Variants in GPAT2 observed in about 807,000 individuals in gnomAD.
GPAT2 encodes 1-acylglycerol-3-phosphate O-acyltransferase GPAT2.
In GPAT2, 51 loss-of-function variants were observed where a neutral mutation model predicts 71.0. That is an observed-to-expected ratio of 0.72 (90% CI 0.57 to 0.91). The LOEUF (loss-of-function observed/expected upper bound fraction) is 0.91. Among genes scored for constraint, GPAT2 ranks in the 40% least tolerant of loss-of-function variants. GPAT2 has a pLI of 0.00. For missense variants in GPAT2, 511 were observed against 666.0 expected (o/e 0.77, Z 2.56); for synonymous variants, 222 against 290.3 (o/e 0.76, Z 2.39).
At position 96,024,547 on chromosome 2, in the gene GPAT2, C is replaced by A; in HGVS notation, c.1567G>T (p.Ala523Ser). The A allele has an allele frequency of 6.2e-7, 1 of 1,613,864 alleles. No homozygotes were observed. Among genetic ancestry groups the A allele is most frequent in the Non-Finnish European group, 8.5e-7 (1 of 1,179,942 alleles). ...TCACCCTGACGGATGCGCAGCAGGG[C>A]CACGTGCGCCCGCAGCAGGCTCAGT... ...HSLSLLRAHVALLRIRQGDLL... is the reference protein window; with the variant it reads ...HSLSLLRAHVSLLRIRQGDLL... The change falls in exon 15 of 22, where the codon GCC (alanine) becomes TCC (serine). Residue 523 changes from alanine (A) to serine (S), a missense_variant. Around this residue, in one of 7 missense-constraint regions of GPAT2, gnomAD observed 295 missense variants for 305.5 expected, o/e 0.97. Coordinates refer to ENST00000434632, the MANE Select transcript of GPAT2 (RefSeq NM_001321527.2).
chr2:96,024,528 T>C lies in GPAT2; in HGVS notation c.1586A>G (p.Gln529Arg), dbSNP rs1680142441. The part of the protein sequence containing the change: ...RAHVALLRIR[Q>R]GDLLVVPQPG... ...CTGCGGCACCACCAGCAAGTCACCC[T>C]GACGGATGCGCAGCAGGGCCACGTG... The change falls in exon 15 of 22, where the codon CAG becomes CGG. Residue 529 changes from glutamine to arginine, a missense_variant. By Grantham distance (43) the Gln-to-Arg change is conservative. Coordinates refer to ENST00000434632, the MANE Select transcript of GPAT2 (RefSeq NM_001321527.2). 9 of 1,613,926 alleles carry C rather than the reference T, an allele frequency of 5.6e-6. No individual in the cohort carries two copies. The East Asian group carries it at 1.6e-4, about 28-fold the overall frequency.
At chr2:96,025,409 C>G (rs1354355758) in intron 13 of GPAT2, 76 bp downstream of exon 13, 4 of 1,513,454 alleles carry the variant, frequency 2.6e-6, no homozygotes, top group Non-Finnish European at 3.5e-6. Flanking sequence ...AATGGAGAAC[C>G]CTGGTGACTG....
In GPAT2 at chr2:96,025,914, G is replaced by A. The variant is rs147368142; in HGVS notation, c.1238+16C>T. 69 of 1,610,616 alleles carry A rather than the reference G, an allele frequency of 4.3e-5. No homozygotes were observed. Among genetic ancestry groups the A allele is most frequent in the South Asian group, 9.9e-5 (9 of 90,974 alleles). ...CTTGCCTTGCCCCCTGAGACCCCAC[G>A]CTCCTGTGCCCCTACCATTGGCCCA... On this transcript the variant is annotated intron_variant, in intron 12 of 21. Transcript: ENST00000434632.
At chr2:96,034,156 G>GTTGA (rs1216218607) in intron 1 of GPAT2, among the ~76,000 whole-genome samples, 2 of 108,458 alleles carry the variant, frequency 1.8e-5, no homozygotes, top group Admixed American at 1.0e-4. Flanking sequence ...TAAAACCAAC[G>GTTGA]TTGAACAGCA....
Position 96,024,622 on chromosome 2 carries a change from C to A in GPAT2, c.1492G>T (p.Gly498Cys). ...SWLTEEILLR[G>C]FDVGFSGQLR... ...TGCCCAGAGAAGCCTACATCAAAGC[C>A]ACGCAACAGTATCTCCTCCGTCAGC... The change falls in exon 15 of 22, where the codon GGC (glycine) becomes TGC (cysteine). Residue 498 changes from glycine (G) to cysteine (C), a missense_variant. Gly to Cys is a radical substitution (Grantham distance 159). Coordinates refer to ENST00000434632, the MANE Select transcript of GPAT2 (RefSeq NM_001321527.2). 15 of 1,613,930 alleles carry A rather than the reference C, an allele frequency of 9.3e-6. No individual in the cohort carries two copies. Among genetic ancestry groups the A allele is most frequent in the Non-Finnish European group, 1.3e-5 (15 of 1,179,932 alleles).
intron 13 of GPAT2, chr2:96,025,132 G>A (rs1489338624): frequency 1.0e-5 from 6 of 583,600 alleles, no homozygotes; most frequent in South Asian, 2.0e-5. Flanking sequence ...CTGTGGAGGC[G>A]CTGTGCTAAG....
chr2:96,024,911 T>C, intron 13 of GPAT2, 68 bp from the exon 14 acceptor site: 1 of 1,560,408 alleles, frequency 6.4e-7, no homozygotes, highest in Non-Finnish European at 8.8e-7. Flanking sequence ...CTCCATGATC[T>C]AGCAAGTCTT....
In GPAT2 at chr2:96,025,363, A is replaced by C. The variant is rs528706057; in HGVS notation, c.1357+122T>G. 5.5e-4 allele frequency: 720 copies of C among 1,303,530 alleles called. 2 individuals carry two copies. The highest frequency in any genetic ancestry group is 5.0e-4 in the Non-Finnish European group (485 of 971,222). The allele number at this position is 1,303,530 out of a possible 1,614,324, so 80.7% of individuals were successfully genotyped here. ...GTTCCATTCTTCTTCAGATGTCCCC[A>C]AGGTATCACAGAGCACCTCAGGTGC... On this transcript the variant is annotated intron_variant, in intron 13 of 21. Coordinates refer to ENST00000434632, the MANE Select transcript of GPAT2 (RefSeq NM_001321527.2).
At position 96,024,586 on chromosome 2, in the gene GPAT2, G is replaced by A. The variant is rs768487413; in HGVS notation, c.1528C>T (p.Leu510=). The A allele has an allele frequency of 6.2e-7, 1 of 1,613,852 alleles. No individual in the cohort carries two copies. Among genetic ancestry groups the A allele is most frequent in the Non-Finnish European group, 8.5e-7 (1 of 1,179,926 alleles). The change falls in exon 15 of 22, where the codon CTG becomes TTG. Residue 510 remains leucine (L), a synonymous_variant. Coordinates refer to ENST00000434632, the MANE Select transcript of GPAT2 (RefSeq NM_001321527.2). ...DVGFSGQLRS[L]LQHSLSLLRA... ...AGCAGGCTCAGTGAGTGCTGCAGCA[G>A]GCTCCGCAGCTGCCCAGAGAAGCCT...
Position 96,024,328 on chromosome 2 carries a change from A to G in GPAT2, c.1697T>C (p.Val566Ala), listed in dbSNP as rs768244801. 50 of 1,586,022 alleles carry G rather than the reference A, an allele frequency of 3.2e-5. No homozygotes were observed. The African/African-American group carries it at 5.6e-4, about 18-fold the overall frequency. Residue 566 changes from valine (V) to alanine (A), a missense_variant, in exon 16 of 22, where the codon GTG (valine) becomes GCG (alanine). Transcript: ENST00000434632. ...FLSEAVGACA[V>A]RGLLAGRVPP... ...CACTCTGCCTGCCAGCAGCCCCCGCACTGCACAGGCTGGGGGCGGAGGGTC... is the reference window on the plus strand; with the variant it reads ...CACTCTGCCTGCCAGCAGCCCCCGCGCTGCACAGGCTGGGGGCGGAGGGTC...
rs572164756 is a variant in GPAT2 at position 96,022,651 on chromosome 2, A to T, written c.2289+17T>A. ...GGGAGCAGGGGGACAGAAGATGGTGACAGTGGCTCCTCTCACCCCTAGGTC... is the reference window on the plus strand; with the variant it reads ...GGGAGCAGGGGGACAGAAGATGGTGTCAGTGGCTCCTCTCACCCCTAGGTC... On this transcript the variant is annotated intron_variant, in intron 21 of 21. Transcript: ENST00000434632. 2.5e-6 allele frequency: 4 copies of T among 1,613,516 alleles called. No individual in the cohort carries two copies. In the African/African-American group the frequency reaches 5.3e-5, roughly 22 times the overall value.
chr2:96,022,847 T>A, intron 20 of GPAT2, 111 bp downstream of exon 20: 1 of 1,612,234 alleles, frequency 6.2e-7, no homozygotes, highest in Non-Finnish European at 8.5e-7. Flanking sequence ...CAGAAGACTG[T>A]ACTCTGCAGC....
Position 96,024,620 on chromosome 2 carries a change from G to A in GPAT2, c.1494C>T (p.Gly498=), listed in dbSNP as rs373939953. Reference sequence around the variant, plus strand: ...GCTGCCCAGAGAAGCCTACATCAAAGCCACGCAACAGTATCTCCTCCGTCA... The same window carrying A: ...GCTGCCCAGAGAAGCCTACATCAAAACCACGCAACAGTATCTCCTCCGTCA... ...SWLTEEILLR[G]FDVGFSGQLR... is the part of the protein sequence containing the mutation. The change falls in exon 15 of 22, where the codon GGC becomes GGT. Residue 498 remains glycine, a synonymous_variant. Coordinates refer to ENST00000434632, the MANE Select transcript of GPAT2 (RefSeq NM_001321527.2). The A allele has an allele frequency of 5.8e-5, 94 of 1,613,742 alleles. No individual in the cohort carries two copies. Among genetic ancestry groups the A allele is most frequent in the Non-Finnish European group, 7.1e-5 (84 of 1,179,940 alleles).
chr2:96,034,212 C>T (rs1465466618), intron 1 of GPAT2, among the ~76,000 whole-genome samples: 3 of 107,580 alleles, frequency 2.8e-5, no homozygotes, highest in Non-Finnish European at 5.7e-5. Flanking sequence ...GGTTTCCAGT[C>T]GCGGCTGTAA....
chr2:96,023,273 A>G (rs772821888), intron 18 of GPAT2, 36 bp downstream of exon 18: 2 of 1,613,774 alleles, frequency 1.2e-6, no homozygotes, highest in African/African-American at 2.7e-5. Context: ...CCGCCTCCCT[A>G]CCACCTCCCT....
intron 20 of GPAT2, 21 bp from the exon 21 acceptor site, chr2:96,022,744 AAGGCTCT>A (rs1679827021): frequency 6.2e-7 from 1 of 1,613,840 alleles, no homozygotes; most frequent in South Asian, 1.1e-5. Flanking sequence ...GAGAGAAGTG[AAGGCTCT>A]AGGTAGGGAG....
At chr2:96,025,262 G>C in intron 13 of GPAT2, 1 of 618,924 alleles carries the variant, frequency 1.6e-6, no homozygotes, top group Non-Finnish European at 2.7e-6. Context: ...CCTGGCCTCA[G>C]GCCACCATCT....
In GPAT2 at chr2:96,022,959, G is replaced by A. The variant is rs748507436; in HGVS notation, c.2232C>T (p.Phe744=). The A allele has an allele frequency of 2.2e-5, 36 of 1,613,700 alleles. No individual in the cohort carries two copies. The highest frequency in any genetic ancestry group is 1.7e-4 in the Middle Eastern group (1 of 6,046). The part of the protein sequence containing the change: ...LQATAQEEGI[F]ECADPKLAIS... ...CTGGGCTGACTGGTTGGGACTCACC[G>A]AAGATCCCTTCTTCCTGGGCGGTGG... is the stretch of plus-strand genomic sequence containing the variant. Residue 744 remains phenylalanine, a splice_region_variant and synonymous_variant, in exon 20 of 22, where the codon TTC becomes TTT. Coordinates refer to ENST00000434632, the MANE Select transcript of GPAT2 (RefSeq NM_001321527.2).
Position 96,024,318 on chromosome 2 carries a change from C to T in GPAT2, c.1707G>A (p.Leu569=), listed in dbSNP as rs756577891. 3 of 1,571,904 alleles carry T rather than the reference C, an allele frequency of 1.9e-6. No homozygotes were observed. The Admixed American group carries it at 5.4e-5, about 28-fold the overall frequency. ...EAVGACAVRG[L]LAGRVPPQGP... ...CCTGGGGCGGCACTCTGCCTGCCAGCAGCCCCCGCACTGCACAGGCTGGGG... is the reference window on the plus strand; with the variant it reads ...CCTGGGGCGGCACTCTGCCTGCCAGTAGCCCCCGCACTGCACAGGCTGGGG... The change falls in exon 16 of 22, where the codon CTG becomes CTA. Residue 569 remains leucine (L), a synonymous_variant. Transcript: ENST00000434632.
Sources: gnomAD v4.1 joint callset for allele counts (sites outside exome capture counted in the v4.1 genomes callset) on GRCh38, gnomAD v4.1.1 for gene constraint, gnomAD v4.1.1 regional missense constraint, MANE v1.5 for transcripts, NCBI Gene and HGNC (gene_info 2026-07-23, HGNC 2026-07-21) for gene names.